CBX3: variants seen among roughly 807,000 people sequenced by gnomAD.
CBX3 encodes the protein chromobox 3.
CBX3 carries 5 observed loss-of-function variants against 22.6 expected under a neutral mutation model. The ratio of observed to expected loss-of-function variants is 0.22; its 90% CI spans 0.12 to 0.47. The LOEUF is 0.47. Among genes scored for constraint, CBX3 ranks in the 20% least tolerant of loss-of-function variants. The pLI is 0.99. For synonymous variants in CBX3, 50 were observed against 66.6 expected (o/e 0.75, Z 1.21); for missense variants, 83 against 208.1 (o/e 0.40, Z 3.70).
At chr7:26,211,347 TTTA>T (rs1426825307) in intron 4 of CBX3, among the ~76,000 whole-genome samples, 3 of 152,212 alleles carry the variant, frequency 2.0e-5, no homozygotes, top group Admixed American at 6.5e-5. Context: ...CTTTCAAGAC[TTTA>T]TTATTACCAG....
intron 3 of CBX3, among the ~76,000 whole-genome samples, chr7:26,207,908 G>C (rs976326356): frequency 6.6e-6 from 1 of 151,710 alleles, no homozygotes; most frequent in African/African-American, 2.4e-5. Context: ...GGAGTCTCAG[G>C]GTAGCAAATT....
intron 3 of CBX3, among the ~76,000 whole-genome samples, 170 bp downstream of exon 3, chr7:26,206,680 T>A (rs1462116183): frequency 6.6e-6 from 1 of 152,226 alleles, no homozygotes; most frequent in African/African-American, 2.4e-5. Flanking sequence ...AACCAAGACT[T>A]TATTGTACAG....
At chr7:26,210,327 AACAAC>A (rs1421133312) in intron 4 of CBX3, 1 of 152,232 alleles carries the variant, frequency 6.6e-6, no homozygotes, top group Non-Finnish European at 1.5e-5. Context: ...GCACAACTTT[AACAAC>A]ACTTATTGAG....
chr7:26,207,103 G>A (rs1584037712), intron 3 of CBX3, among the ~76,000 whole-genome samples: 1 of 152,116 alleles, frequency 6.6e-6, no homozygotes, highest in African/African-American at 2.4e-5. Flanking sequence ...TATCTGCTTT[G>A]ATTCTTCCCC....
intron 2 of CBX3, 108 bp from the exon 3 acceptor site, chr7:26,206,260 A>C: frequency 1.5e-6 from 1 of 682,722 alleles, no homozygotes; most frequent in Non-Finnish European, 2.4e-6. Context: ...TGGGATATAG[A>C]AGTAAAAATT....
Position 26,211,042 on chromosome 7 carries a change from A to G in CBX3, c.331-620A>G, listed in dbSNP as rs139872420. Among the ~76,000 whole-genome samples the G allele has an allele frequency of 1.3e-3, 198 of 151,842 alleles. 3 individuals carry two copies. The East Asian group carries it at 0.032, about 25-fold the overall frequency. ...TTAGGAGAATTGTCGAGGGCTACAC[A>G]TAAAATAGACTTAATACCAACCATA... On this transcript the variant is annotated intron_variant, in intron 4 of 5. Coordinates refer to ENST00000396386, the MANE Select transcript of CBX3 (RefSeq NM_016587.4).
At chr7:26,211,110 T>G (rs1784794746) in intron 4 of CBX3, among the ~76,000 whole-genome samples, 1 of 151,138 alleles carries the variant, frequency 6.6e-6, no homozygotes, top group African/African-American at 2.4e-5. Flanking sequence ...CGCAAGAAAG[T>G]TTCAATGTTT....
chr7:26,203,158 AAATT>A, intron 2 of CBX3, 136 bp downstream of exon 2: 1 of 683,832 alleles, frequency 1.5e-6, no homozygotes, highest in Non-Finnish European at 2.5e-6. Context: ...TTACAGGGGA[AAATT>A]AAGAGAAAAA....
chr7:26,202,713 T>G (rs1784572106), intron 1 of CBX3: 2 of 447,182 alleles, frequency 4.5e-6, no homozygotes, highest in Non-Finnish European at 7.9e-6. Context: ...GGAAAAGACA[T>G]TGGTCCCCTA....
intron 2 of CBX3, 32 bp from the exon 3 acceptor site, chr7:26,206,336 T>TA (rs766743182): frequency 3.2e-6 from 4 of 1,260,166 alleles, no homozygotes; most frequent in Non-Finnish European, 4.3e-6. Flanking sequence ...TCAAGAGGAA[T>TA]ATTTCTTAAT....
chr7:26,205,417 G>A (rs188633021), intron 2 of CBX3, among the ~76,000 whole-genome samples: 1 of 152,256 alleles, frequency 6.6e-6, no homozygotes, highest in East Asian at 1.9e-4. Context: ...TTGGTCTCTT[G>A]AAGTGATAGC....
intron 2 of CBX3, among the ~76,000 whole-genome samples, chr7:26,205,321 A>C (rs1182206116): frequency 6.6e-6 from 1 of 152,204 alleles, no homozygotes; most frequent in African/African-American, 2.4e-5. Flanking sequence ...TTTAAAGTGA[A>C]TTTGGTTACC....
Position 26,212,516 on chromosome 7 carries a change from T to A in CBX3, c.*308T>A, listed in dbSNP as rs1784826815. The A allele has an allele frequency of 6.4e-6, 1 of 156,544 alleles. No individual in the cohort carries two copies. The highest frequency in any genetic ancestry group is 1.4e-5 in the Non-Finnish European group (1 of 71,134). The allele number at this position is 156,544 out of a possible 1,614,324, so 9.7% of individuals were successfully genotyped here. Reference sequence around the variant, plus strand: ...TAAATGTTGGGGGAAATGTCCATAGTCATTACTCAGTCAAAACTTGTGTTC... The same window carrying A: ...TAAATGTTGGGGGAAATGTCCATAGACATTACTCAGTCAAAACTTGTGTTC... On this transcript the variant is annotated 3_prime_UTR_variant, in exon 6 of 6. Transcript: ENST00000396386.
intron 1 of CBX3, chr7:26,202,719 C>G (rs1784572710): frequency 2.2e-6 from 1 of 451,920 alleles, no homozygotes; most frequent in Non-Finnish European, 3.9e-6. Context: ...GACATTGGTC[C>G]CCTATTTTAA....
chr7:26,206,147 T>G, intron 2 of CBX3: 3 of 443,066 alleles, frequency 6.8e-6, no homozygotes, highest in Non-Finnish European at 7.9e-6. Context: ...TTTTATTGTA[T>G]TATTTTGGTG....
intron 3 of CBX3, among the ~76,000 whole-genome samples, chr7:26,207,222 C>T (rs1319885269): frequency 6.6e-6 from 1 of 152,212 alleles, no homozygotes; most frequent in East Asian, 1.9e-4. Flanking sequence ...GATTGGGCTT[C>T]ACCTATCTGT....
chr7:26,202,592 TCA>T (rs892274539), intron 1 of CBX3: 4 of 190,538 alleles, frequency 2.1e-5, no homozygotes, highest in Admixed American at 1.9e-4. Flanking sequence ...CAGAGAAGAT[TCA>T]CAGTGCTTTA....
Position 26,213,302 on chromosome 7 carries a change from A to T in CBX3, c.*1094A>T, listed in dbSNP as rs1174910788. Reference sequence around the variant, plus strand: ...TATCCAACTGTATATTGTTTACTTTATTGTAAATACTGGTGAACAGTGGTT... The same window carrying T: ...TATCCAACTGTATATTGTTTACTTTTTTGTAAATACTGGTGAACAGTGGTT... On this transcript the variant is annotated 3_prime_UTR_variant, in exon 6 of 6. Transcript: ENST00000396386. 1 of 152,698 alleles carries T rather than the reference A, an allele frequency of 6.5e-6. No homozygotes were observed. Among genetic ancestry groups the T allele is most frequent in the African/African-American group, 2.4e-5 (1 of 41,466 alleles). The allele number at this position is 152,698 out of a possible 1,614,324, so 9.5% of individuals were successfully genotyped here.
At chr7:26,207,666 C>T (rs1232024975) in intron 3 of CBX3, among the ~76,000 whole-genome samples, 3 of 151,936 alleles carry the variant, frequency 2.0e-5, no homozygotes, top group African/African-American at 7.3e-5. Flanking sequence ...CTACAGGCGC[C>T]TGCCACTATG....
Sources: allele counts gnomAD v4.1 joint callset (sites outside exome capture counted in the v4.1 genomes callset), GRCh38; gene constraint gnomAD v4.1.1; transcripts MANE v1.5; gene names NCBI Gene and HGNC (gene_info 2026-07-23, HGNC 2026-07-21).